CACNA2D1: variants seen among roughly 807,000 people sequenced by gnomAD.
CACNA2D1 encodes calcium voltage-gated channel auxiliary subunit alpha2delta 1.
A neutral mutation model predicts 171.5 loss-of-function variants in CACNA2D1; 53 were observed. The ratio of observed to expected loss-of-function variants is 0.31; its 90% CI spans 0.25 to 0.39. The LOEUF (loss-of-function observed/expected upper bound fraction) is 0.39. Among genes scored for constraint, CACNA2D1 ranks in the 10% least tolerant of loss-of-function variants. The probability of loss-of-function intolerance (pLI) is 1.00; values close to 1 mark genes in which losing one functional copy is unlikely to be tolerated. For missense variants in CACNA2D1, 903 were observed against 1,299.8 expected (o/e 0.69, Z 4.69); for synonymous variants, 442 against 443.1 (o/e 1.00, Z 0.03).
intron 5 of CACNA2D1, among the ~76,000 whole-genome samples, chr7:82,129,456 T>C (rs1233393853): frequency 1.3e-5 from 2 of 152,226 alleles, no homozygotes; most frequent in African/African-American, 4.8e-5. Context: ...TTTTTACTTT[T>C]CTGGCATTTG....
chr7:82,064,214 A>G (rs1807322551), intron 9 of CACNA2D1, 90 bp downstream of exon 9: 10 of 853,396 alleles, frequency 1.2e-5, no homozygotes, highest in Non-Finnish European at 3.9e-6. Flanking sequence ...TTTTTAACCT[A>G]TCAAACCTTT....
intron 3 of CACNA2D1, among the ~76,000 whole-genome samples, chr7:82,315,081 G>T (rs1814948039): frequency 6.6e-6 from 1 of 150,576 alleles, no homozygotes; most frequent in South Asian, 2.1e-4. Flanking sequence ...AAGTTGCAGT[G>T]AGCCGAGATT....
At chr7:82,077,612 G>A (rs1351733446) in intron 7 of CACNA2D1, among the ~76,000 whole-genome samples, 2 of 152,078 alleles carry the variant, frequency 1.3e-5, no homozygotes, top group Non-Finnish European at 1.5e-5. Context: ...GCTTCAACTG[G>A]TAGCTAGTAA....
chr7:82,050,897 A>G (rs1254805723), intron 10 of CACNA2D1: 1 of 392,192 alleles, frequency 2.5e-6, no homozygotes, highest in East Asian at 5.5e-5. Context: ...TTACTTGTGT[A>G]AGGTCATAAA....
At chr7:82,345,225 C>T (rs1018778611) in intron 2 of CACNA2D1, among the ~76,000 whole-genome samples, 4 of 152,136 alleles carry the variant, frequency 2.6e-5, no homozygotes, top group Non-Finnish European at 1.5e-5. Context: ...TATGTAAATA[C>T]TACCTTAATT....
intron 3 of CACNA2D1, among the ~76,000 whole-genome samples, chr7:82,217,689 G>T: frequency 6.8e-6 from 1 of 148,132 alleles, no homozygotes. Context: ...AATTGGTATA[G>T]GTCTAACTTA....
At chr7:81,988,007 T>C (rs113962331) in intron 21 of CACNA2D1, among the ~76,000 whole-genome samples, 73 of 152,234 alleles carry the variant, frequency 4.8e-4, no homozygotes, top group African/African-American at 1.6e-3. Flanking sequence ...ACTGGGTGCA[T>C]GCGGAAAAGA....
intron 10 of CACNA2D1, among the ~76,000 whole-genome samples, chr7:82,057,244 T>C (rs1350932456): frequency 2.0e-5 from 3 of 152,126 alleles, no homozygotes; most frequent in African/African-American, 7.2e-5. Flanking sequence ...AATTGGCAAA[T>C]GCTACACATC....
intron 34 of CACNA2D1, among the ~76,000 whole-genome samples, 154 bp downstream of exon 34, chr7:81,963,902 T>C (rs1377798403): frequency 1.3e-5 from 2 of 152,032 alleles, no homozygotes; most frequent in Non-Finnish European, 2.9e-5. Context: ...TAGGAAAAAC[T>C]ATAAATATTA....
At chr7:82,264,426 T>C (rs1305984255) in intron 3 of CACNA2D1, among the ~76,000 whole-genome samples, 3 of 152,176 alleles carry the variant, frequency 2.0e-5, no homozygotes, top group Non-Finnish European at 4.4e-5. Context: ...CAATGTTTTA[T>C]ATATTTTTCT....
chr7:82,181,031 G>C (rs1489739535), intron 3 of CACNA2D1, among the ~76,000 whole-genome samples: 3 of 107,484 alleles, frequency 2.8e-5, no homozygotes, highest in African/African-American at 9.2e-5. Context: ...GCAGCTGTGG[G>C]GCATGTCGGA....
intron 1 of CACNA2D1, among the ~76,000 whole-genome samples, chr7:82,394,029 T>C (rs891705560): frequency 2.0e-5 from 3 of 152,108 alleles, no homozygotes; most frequent in East Asian, 1.9e-4. Flanking sequence ...CAAAACTTTA[T>C]TGAGACTGTG....
intron 1 of CACNA2D1, among the ~76,000 whole-genome samples, chr7:82,408,010 G>A (rs1023931627): frequency 2.6e-5 from 4 of 151,024 alleles, no homozygotes; most frequent in East Asian, 2.0e-4. Context: ...TACACAACCC[G>A]GCTTGTACTT....
rs1415130945 is a variant in CACNA2D1 at position 81,974,486 on chromosome 7, A to G, written c.2022T>C (p.Phe674=). 1.3e-6 allele frequency: 2 copies of G among 1,569,376 alleles called. No homozygotes were observed. The highest frequency in any genetic ancestry group is 1.8e-6 in the Non-Finnish European group (2 of 1,140,718). Residue 674 remains phenylalanine (F), a synonymous_variant, in exon 25 of 39, where the codon TTT becomes TTC. Coordinates refer to ENST00000356860, the MANE Select transcript of CACNA2D1 (RefSeq NM_000722.4). The stretch of plus-strand genomic sequence containing the variant: ...GGTTGTTTGGAGTTTTTCTATCAAT[A>G]AACTCGTTGAAATTTAAAAGAAATT... ...NTEFLLNFNE[F]IDRKTPNNPS...
At chr7:82,201,283 T>C (rs1200835599) in intron 3 of CACNA2D1, among the ~76,000 whole-genome samples, 1 of 152,172 alleles carries the variant, frequency 6.6e-6, no homozygotes, top group Non-Finnish European at 1.5e-5. Flanking sequence ...AGAGAAGTGC[T>C]CACTAGTGAC....
rs1792405590 is a variant in CACNA2D1 at position 81,950,595 on chromosome 7, C to G, written c.3160-87G>C. On this transcript the variant is annotated intron_variant, in intron 38 of 38. Transcript: ENST00000356860. ...TTAGTAACACATCTTTCAGAGTAAT[C>G]CATATTTAGTTCACTTTCTGAACTT... is the stretch of plus-strand genomic sequence containing the variant. The G allele has an allele frequency of 7.3e-6, 11 of 1,500,740 alleles. No individual in the cohort carries two copies. In the Admixed American group the frequency reaches 8.7e-5, roughly 12 times the overall value. 93.0% of individuals were successfully genotyped at this position (1,500,740 alleles called of 1,614,324 possible).
At chr7:82,250,968 C>T (rs1328764632) in intron 3 of CACNA2D1, among the ~76,000 whole-genome samples, 2 of 152,092 alleles carry the variant, frequency 1.3e-5, no homozygotes, top group Non-Finnish European at 2.9e-5. Flanking sequence ...ATTAGAGAGT[C>T]TGTTGTACAT....
At chr7:82,145,354 TTA>T (rs1026119493) in intron 4 of CACNA2D1, among the ~76,000 whole-genome samples, 2 of 144,812 alleles carry the variant, frequency 1.4e-5, no homozygotes, top group African/African-American at 5.0e-5. Context: ...AATTTATATA[TTA>T]TATATTACAC....
intron 3 of CACNA2D1, among the ~76,000 whole-genome samples, chr7:82,300,776 T>C (rs1812903378): frequency 6.6e-6 from 1 of 151,912 alleles, no homozygotes; most frequent in Non-Finnish European, 1.5e-5. Flanking sequence ...AAATAAATAA[T>C]GTAAAACTAA....
Sources: allele counts gnomAD v4.1 joint callset (sites outside exome capture counted in the v4.1 genomes callset), GRCh38; gene constraint gnomAD v4.1.1; transcripts MANE v1.5; gene names NCBI Gene and HGNC (gene_info 2026-07-23, HGNC 2026-07-21).